IGSF21: variants seen among roughly 807,000 people sequenced by gnomAD.
IGSF21 encodes immunoglobin superfamily member 21.
In IGSF21, 28 loss-of-function variants were observed where a neutral mutation model predicts 46.8. That is an observed-to-expected ratio of 0.60 (90% CI 0.44 to 0.82). The LOEUF (loss-of-function observed/expected upper bound fraction) is 0.82, where lower values mean the gene tolerates loss of function less well. Ranked by LOEUF, IGSF21 falls within the 40% of genes least tolerant of loss-of-function variation. The probability of loss-of-function intolerance (pLI) is 0.00; values close to 1 mark genes in which losing one functional copy is unlikely to be tolerated. For synonymous variants in IGSF21, 284 were observed against 273.6 expected (o/e 1.04, Z -0.38); for missense variants, 624 against 665.5 (o/e 0.94, Z 0.69).
At chr1:18,271,564 A>G (rs2124545690) in intron 2 of IGSF21, among the ~76,000 whole-genome samples, 1 of 152,246 alleles carries the variant, frequency 6.6e-6, no homozygotes, top group Middle Eastern at 3.4e-3. Flanking sequence ...TTCCTCCTCC[A>G]TCTGATAGCC....
At chr1:18,310,805 C>G (rs1471788418) in intron 3 of IGSF21, among the ~76,000 whole-genome samples, 1 of 152,164 alleles carries the variant, frequency 6.6e-6, no homozygotes, top group Non-Finnish European at 1.5e-5. Context: ...AAAAGTCATG[C>G]CTTGCCTCTC....
chr1:18,178,901 G>C (rs1395519764), intron 1 of IGSF21, among the ~76,000 whole-genome samples: 1 of 152,220 alleles, frequency 6.6e-6, no homozygotes, highest in Non-Finnish European at 1.5e-5. Flanking sequence ...AAGGGCATAA[G>C]TTAGATAACC....
Position 18,227,990 on chromosome 1 carries a change from C to CGGGA in IGSF21, c.165_168dup (p.Ile57GlyfsTer60). On this transcript the variant is annotated frameshift_variant, in exon 2 of 10. Coordinates refer to ENST00000251296, the MANE Select transcript of IGSF21 (RefSeq NM_032880.5). LOFTEE classifies it high-confidence loss of function. ...TAACTTCAAGACAGATGGGCGCATGCGGGAGATCGTGTGGTACCGGGTAAG... is the reference window on the plus strand; with the variant it reads ...TAACTTCAAGACAGATGGGCGCATGCGGGAGGGAGATCGTGTGGTACCGGGTAAG... 1 of 1,613,700 alleles carries CGGGA rather than the reference C, an allele frequency of 6.2e-7. No homozygotes were observed. The highest frequency in any genetic ancestry group is 8.5e-7 in the Non-Finnish European group (1 of 1,179,658).
chr1:18,332,945 G>A (rs2085729697), intron 3 of IGSF21, among the ~76,000 whole-genome samples: 1 of 152,214 alleles, frequency 6.6e-6, no homozygotes, highest in South Asian at 2.1e-4. Flanking sequence ...AGACGAAGAT[G>A]GAGCAGGTAG....
chr1:18,199,885 G>T (rs12091647), intron 1 of IGSF21, among the ~76,000 whole-genome samples: 6,341 of 149,916 alleles, frequency 0.042, 385 homozygotes, highest in African/African-American at 0.13. Flanking sequence ...TAGGGAAGCT[G>T]CTCCCGGCCC....
At chr1:18,312,213 A>C (rs1035192336) in intron 3 of IGSF21, among the ~76,000 whole-genome samples, 7 of 152,242 alleles carry the variant, frequency 4.6e-5, no homozygotes, top group African/African-American at 7.2e-5. Flanking sequence ...TGAGGCAGTC[A>C]ATGCATATCT....
intron 2 of IGSF21, among the ~76,000 whole-genome samples, chr1:18,261,917 C>T (rs956404121): frequency 6.6e-6 from 1 of 152,126 alleles, no homozygotes; most frequent in Non-Finnish European, 1.5e-5. Context: ...GGAAGAAAGC[C>T]AGTGAAGTTG....
At chr1:18,189,821 C>G (rs193090513) in intron 1 of IGSF21, among the ~76,000 whole-genome samples, 1 of 152,248 alleles carries the variant, frequency 6.6e-6, no homozygotes, top group Admixed American at 6.5e-5. Context: ...GATGTGTGGC[C>G]CGTTTCCTAA....
At chr1:18,370,517 C>T (rs528840803) in intron 6 of IGSF21, among the ~76,000 whole-genome samples, 1 of 152,166 alleles carries the variant, frequency 6.6e-6, no homozygotes, top group Non-Finnish European at 1.5e-5. Context: ...AAAACATAGC[C>T]TTTGTGATAT....
chr1:18,235,778 A>AT (rs1172287042), intron 2 of IGSF21, among the ~76,000 whole-genome samples: 1 of 152,170 alleles, frequency 6.6e-6, no homozygotes, highest in African/African-American at 2.4e-5. Context: ...GGTTTACTTT[A>AT]TTAAAAAGGT....
chr1:18,307,595 G>A (rs1031127611), intron 3 of IGSF21, among the ~76,000 whole-genome samples: 1 of 152,198 alleles, frequency 6.6e-6, no homozygotes, highest in Non-Finnish European at 1.5e-5. Context: ...TCAGCAACAG[G>A]GCACAGGCTG....
intron 3 of IGSF21, among the ~76,000 whole-genome samples, chr1:18,333,990 C>T (rs949134393): frequency 2.0e-5 from 3 of 152,214 alleles, no homozygotes; most frequent in Admixed American, 6.5e-5. Flanking sequence ...AGCACAGTTG[C>T]ACCAATTTGT....
chr1:18,274,696 A>G (rs1340640397), intron 2 of IGSF21, among the ~76,000 whole-genome samples: 11 of 152,242 alleles, frequency 7.2e-5, no homozygotes, highest in Admixed American at 7.2e-4. Flanking sequence ...GGCCAAGGAA[A>G]GGCCCAGAAA....
chr1:18,223,378 G>T (rs1355108118), intron 1 of IGSF21, among the ~76,000 whole-genome samples: 1 of 152,210 alleles, frequency 6.6e-6, no homozygotes, highest in Non-Finnish European at 1.5e-5. Context: ...ATTCCCAAGA[G>T]ACCCCATCAA....
chr1:18,227,301 T>C (rs549633762), intron 1 of IGSF21, among the ~76,000 whole-genome samples: 2 of 151,952 alleles, frequency 1.3e-5, no homozygotes, highest in Non-Finnish European at 1.5e-5. Flanking sequence ...GTTTATGAGG[T>C]TGGAAATGGA....
At chr1:18,363,981 T>A (rs2086131698) in intron 5 of IGSF21, among the ~76,000 whole-genome samples, 1 of 152,074 alleles carries the variant, frequency 6.6e-6, no homozygotes, top group African/African-American at 2.4e-5. Context: ...ACAGGTCCAG[T>A]CTCCCTAAAA....
At chr1:18,194,769 G>A (rs950739260) in intron 1 of IGSF21, among the ~76,000 whole-genome samples, 1 of 152,196 alleles carries the variant, frequency 6.6e-6, no homozygotes, top group Non-Finnish European at 1.5e-5. Flanking sequence ...GTCAACCCAG[G>A]AGACCCACTC....
At chr1:18,304,754 T>G (rs1403015203) in intron 3 of IGSF21, among the ~76,000 whole-genome samples, 2 of 148,544 alleles carry the variant, frequency 1.3e-5, no homozygotes, top group African/African-American at 4.9e-5. Flanking sequence ...CACATTATCC[T>G]TTTCCTTCTT....
chr1:18,202,947 C>T (rs533350652), intron 1 of IGSF21, among the ~76,000 whole-genome samples: 13 of 152,260 alleles, frequency 8.5e-5, no homozygotes, highest in African/African-American at 3.1e-4. Context: ...TCCATTAGAC[C>T]CATCCCAGTC....
Sources: gnomAD v4.1 joint callset for allele counts (sites outside exome capture counted in the v4.1 genomes callset) on GRCh38, gnomAD v4.1.1 for gene constraint, MANE v1.5 for transcripts, NCBI Gene and HGNC (gene_info 2026-07-23, HGNC 2026-07-21) for gene names.